Variants in PDE3B observed in about 807,000 individuals in gnomAD.
The protein encoded by PDE3B is phosphodiesterase 3B, also known as cGMP-inhibited 3',5'-cyclic phosphodiesterase 3B.
PDE3B carries 66 observed loss-of-function variants against 116.8 expected under a neutral mutation model. That is an observed-to-expected ratio of 0.56 (90% CI 0.46 to 0.69). The LOEUF is 0.69. Ranked by LOEUF, PDE3B falls within the 30% of genes least tolerant of loss-of-function variation. The probability of loss-of-function intolerance (pLI) is 0.00; values close to 1 mark genes in which losing one functional copy is unlikely to be tolerated. For missense variants in PDE3B, 1,384 were observed against 1,368.1 expected, an observed-to-expected ratio of 1.01 and a Z score of -0.18; for synonymous variants, 595 against 533.6, an observed-to-expected ratio of 1.12 and a Z score of -1.59.
intron 11 of PDE3B, among the ~76,000 whole-genome samples, chr11:14,838,196 G>C (rs751548521): frequency 7.2e-5 from 11 of 151,944 alleles, no homozygotes; most frequent in Admixed American, 1.3e-4. Flanking sequence ...AGCCAGGATG[G>C]TCTCGATCTC....
intron 1 of PDE3B, among the ~76,000 whole-genome samples, chr11:14,665,722 C>G (rs1486977971): frequency 1.3e-5 from 2 of 152,140 alleles, no homozygotes; most frequent in African/African-American, 4.8e-5. Flanking sequence ...ATCCAACTTA[C>G]AAAGGACATG....
In PDE3B at chr11:14,836,625, T is replaced by G. The variant is rs752643124; in HGVS notation, c.2320+1530T>G. Among the ~76,000 whole-genome samples, 3 of 152,296 alleles carry G rather than the reference T, an allele frequency of 2.0e-5. No homozygotes were observed. The South Asian group carries it at 6.2e-4, about 32-fold the overall frequency. ...GCTGCTGTAATAAGTTACCAGAAAT[T>G]TAGTCACTGAAAACCACACAAATTT... is the stretch of plus-strand genomic sequence containing the variant. On this transcript the variant is annotated intron_variant, in intron 11 of 15. Coordinates refer to ENST00000282096, the MANE Select transcript of PDE3B (RefSeq NM_000922.4).
chr11:14,722,737 C>T (rs1454485685), intron 1 of PDE3B, among the ~76,000 whole-genome samples: 1 of 152,166 alleles, frequency 6.6e-6, no homozygotes, highest in Non-Finnish European at 1.5e-5. Context: ...CATGAGAGAA[C>T]TTGAACCAGA....
chr11:14,815,969 A>ACG (rs1491493906), intron 5 of PDE3B, among the ~76,000 whole-genome samples: 1 of 151,434 alleles, frequency 6.6e-6, no homozygotes, highest in Non-Finnish European at 1.5e-5. Flanking sequence ...ACACACACAC[A>ACG]CGCAGAGAAA....
chr11:14,766,277 A>T (rs1310368656), intron 1 of PDE3B, among the ~76,000 whole-genome samples: 2 of 151,530 alleles, frequency 1.3e-5, no homozygotes, highest in African/African-American at 4.8e-5. Flanking sequence ...AACTTGGAAA[A>T]ATCCAACCAA....
chr11:14,784,396 A>T (rs892399851), intron 2 of PDE3B, among the ~76,000 whole-genome samples: 1 of 152,236 alleles, frequency 6.6e-6, no homozygotes, highest in African/African-American at 2.4e-5. Flanking sequence ...ACTTAAAAGT[A>T]AGCAAGGTAG....
chr11:14,858,022 A>G (rs1847880746), intron 12 of PDE3B, among the ~76,000 whole-genome samples: 1 of 152,168 alleles, frequency 6.6e-6, no homozygotes, highest in Non-Finnish European at 1.5e-5. Context: ...GCAAAGTTTA[A>G]ATCATACCAT....
intron 11 of PDE3B, among the ~76,000 whole-genome samples, chr11:14,836,646 A>G (rs1860066506): frequency 6.6e-6 from 1 of 152,152 alleles, no homozygotes; most frequent in Admixed American, 6.5e-5. Context: ...AAACCACACA[A>G]ATTTATTATC....
In PDE3B at chr11:14,766,018, TAA is replaced by T. The variant is rs547501323; in HGVS notation, c.979-5916_979-5915del. 2.0e-4 allele frequency among the ~76,000 whole-genome samples: 31 copies of T among 151,630 alleles called. No homozygotes were observed. The South Asian group carries it at 6.2e-3, about 30-fold the overall frequency. The stretch of plus-strand genomic sequence containing the variant: ...AATGAGTGCTTGAACCAGTATTTCT[TAA>T]AAGTTTTAATATACATGTACCGCCA... On this transcript the variant is annotated intron_variant, in intron 1 of 15. Transcript: ENST00000282096.
At chr11:14,687,083 T>C (rs765910301) in intron 1 of PDE3B, among the ~76,000 whole-genome samples, 1 of 152,228 alleles carries the variant, frequency 6.6e-6, no homozygotes, top group Non-Finnish European at 1.5e-5. Flanking sequence ...GTTTTGGTAA[T>C]ATGGTTTTAT....
chr11:14,779,001 A>G (rs1037423898), intron 2 of PDE3B, among the ~76,000 whole-genome samples: 19 of 152,216 alleles, frequency 1.2e-4, no homozygotes, highest in Admixed American at 7.9e-4. Context: ...GCTGAACACC[A>G]TGGCATGAGA....
intron 7 of PDE3B, among the ~76,000 whole-genome samples, chr11:14,823,100 C>T (rs1313627822): frequency 2.0e-5 from 3 of 152,084 alleles, no homozygotes; most frequent in Non-Finnish European, 2.9e-5. Flanking sequence ...TGGTTCCGAG[C>T]CTCCCTGAGA....
At chr11:14,728,435 G>C (rs1030917307) in intron 1 of PDE3B, among the ~76,000 whole-genome samples, 2 of 151,998 alleles carry the variant, frequency 1.3e-5, no homozygotes, top group Admixed American at 6.5e-5. Context: ...AGGATCTAAG[G>C]GAATCAGAGA....
chr11:14,747,180 T>C (rs1169156473), intron 1 of PDE3B, among the ~76,000 whole-genome samples: 2 of 152,186 alleles, frequency 1.3e-5, no homozygotes, highest in Non-Finnish European at 2.9e-5. Context: ...AAGGGGATGA[T>C]GCTAACCCAT....
intron 12 of PDE3B, among the ~76,000 whole-genome samples, chr11:14,847,000 TC>T (rs1335867055): frequency 6.6e-5 from 10 of 152,122 alleles, no homozygotes; most frequent in African/African-American, 2.2e-4. Context: ...CTAATAGACA[TC>T]TACAGAACTC....
At chr11:14,801,330 G>T (rs1335607843) in intron 4 of PDE3B, among the ~76,000 whole-genome samples, 1 of 152,128 alleles carries the variant, frequency 6.6e-6, no homozygotes, top group Admixed American at 6.5e-5. Context: ...TTCAGATGGG[G>T]TCTTTGAGTG....
At chr11:14,855,511 T>A (rs1475797944) in intron 12 of PDE3B, among the ~76,000 whole-genome samples, 1 of 152,192 alleles carries the variant, frequency 6.6e-6, no homozygotes, top group Non-Finnish European at 1.5e-5. Context: ...TTCAAGTATT[T>A]ATTGGGTGCA....
chr11:14,840,656 A>G (rs1662959357), intron 11 of PDE3B, among the ~76,000 whole-genome samples: 1 of 152,214 alleles, frequency 6.6e-6, no homozygotes, highest in African/African-American at 2.4e-5. Flanking sequence ...TACTTCCTCA[A>G]AGTGGATAGC....
chr11:14,757,819 T>G (rs2133883373), intron 1 of PDE3B, among the ~76,000 whole-genome samples: 1 of 150,684 alleles, frequency 6.6e-6, no homozygotes, highest in Middle Eastern at 3.4e-3. Context: ...TAGATCCCAT[T>G]TGTCAATTTT....
Sources: allele counts gnomAD v4.1 joint callset (sites outside exome capture counted in the v4.1 genomes callset), GRCh38; gene constraint gnomAD v4.1.1; transcripts MANE v1.5; gene names NCBI Gene and HGNC (gene_info 2026-07-23, HGNC 2026-07-21).